PRR16: variants seen among roughly 807,000 people sequenced by gnomAD.
PRR16 encodes the protein proline rich 16.
In PRR16, 6 loss-of-function variants were observed where a neutral mutation model predicts 18.2. The observed-to-expected ratio is 0.33, with a 90% CI of 0.18 to 0.65. The LOEUF (loss-of-function observed/expected upper bound fraction) is 0.65. PRR16 is among the 30% of genes least tolerant of loss of function. The pLI, the probability that PRR16 is intolerant of heterozygous loss-of-function variation, is 0.74. For missense variants in PRR16, 412 were observed against 376.6 expected (o/e 1.09, Z -0.78); for synonymous variants, 151 against 147.8 (o/e 1.02, Z -0.16).
chr5:120,664,174 G>T (rs940468588), intron 1 of PRR16, among the ~76,000 whole-genome samples: 1 of 151,934 alleles, frequency 6.6e-6, no homozygotes, highest in South Asian at 2.1e-4. Flanking sequence ...TGGCAGATGC[G>T]TGTAATCCCA....
chr5:120,487,509 CTT>C (rs1749852759), intron 1 of PRR16, among the ~76,000 whole-genome samples: 1 of 152,156 alleles, frequency 6.6e-6, no homozygotes, highest in African/African-American at 2.4e-5. Flanking sequence ...TATCCTGAGA[CTT>C]TGCTGAAGTT....
At chr5:120,669,507 A>T (rs1241539688) in intron 1 of PRR16, among the ~76,000 whole-genome samples, 1 of 152,080 alleles carries the variant, frequency 6.6e-6, no homozygotes. Flanking sequence ...ATTACAAATT[A>T]CTCAGAATAT....
At chr5:120,584,299 CTTGGTAAGGAGT>C (rs1237222647) in intron 1 of PRR16, among the ~76,000 whole-genome samples, 1 of 152,164 alleles carries the variant, frequency 6.6e-6, no homozygotes, top group East Asian at 1.9e-4. Context: ...ATCTTAGAGA[CTTGGTAAGGAGT>C]TTTTAAAAGA....
At chr5:120,702,191 G>A in the PRR16 span, among the ~76,000 whole-genome samples, 1 of 151,618 alleles carries the variant, frequency 6.6e-6, no homozygotes, top group Non-Finnish European at 1.5e-5. Flanking sequence ...AAGAGGTTGG[G>A]GTGTGGAAAT....
chr5:120,762,805 G>GT, the PRR16 span, among the ~76,000 whole-genome samples: 3 of 152,048 alleles, frequency 2.0e-5, no homozygotes, highest in Non-Finnish European at 4.4e-5. Context: ...GTCTATTTCT[G>GT]TTTTTGTTAT....
chr5:120,745,791 C>T, the PRR16 span, among the ~76,000 whole-genome samples: 248 of 151,712 alleles, frequency 1.6e-3, 2 homozygotes, highest in African/African-American at 5.7e-3. Flanking sequence ...CTCCTCCTCC[C>T]GTGTTCAAGT....
chr5:120,710,855 A>G, the PRR16 span: 1 of 152,140 alleles, frequency 6.6e-6, no homozygotes, highest in Non-Finnish European at 1.5e-5. Context: ...TTATCTTATA[A>G]TTCTTATACG....
the PRR16 span, among the ~76,000 whole-genome samples, chr5:120,780,591 C>T: frequency 2.6e-5 from 4 of 152,034 alleles, no homozygotes; most frequent in Non-Finnish European, 5.9e-5. Flanking sequence ...AATAATATTA[C>T]AATTTTTTCA....
chr5:120,517,115 C>T lies in PRR16; in HGVS notation c.159+52470C>T, dbSNP rs1013771278. Among the ~76,000 whole-genome samples the T allele has an allele frequency of 1.1e-4, 17 of 152,110 alleles. No homozygotes were observed. The East Asian group carries it at 1.9e-3, about 17-fold the overall frequency. The stretch of plus-strand genomic sequence containing the variant: ...TCTTTGGCAGCAGATACTTTTATCC[C>T]GCTGTGCAGGAATAGTCTGGGAGAA... On this transcript the variant is annotated intron_variant, in intron 1 of 1. Coordinates refer to ENST00000407149, the MANE Select transcript of PRR16 (RefSeq NM_001300783.2).
intron 1 of PRR16, among the ~76,000 whole-genome samples, chr5:120,610,161 T>G (rs1754288445): frequency 6.6e-6 from 1 of 152,236 alleles, no homozygotes; most frequent in South Asian, 2.1e-4. Flanking sequence ...CTAGTGCCAG[T>G]TGAATAAATT....
At chr5:120,526,827 G>A (rs553576234) in intron 1 of PRR16, among the ~76,000 whole-genome samples, 74 of 152,218 alleles carry the variant, frequency 4.9e-4, no homozygotes, top group African/African-American at 1.6e-3. Context: ...TCAATCTCCT[G>A]ACCTGCCTGG....
At chr5:120,723,620 G>A in the PRR16 span, among the ~76,000 whole-genome samples, 1 of 151,824 alleles carries the variant, frequency 6.6e-6, no homozygotes, top group Admixed American at 6.6e-5. Flanking sequence ...ACAGAAATAA[G>A]ACTCTTGATT....
chr5:120,753,655 C>T, the PRR16 span, among the ~76,000 whole-genome samples: 5 of 150,666 alleles, frequency 3.3e-5, no homozygotes, highest in Admixed American at 2.7e-4. Flanking sequence ...CATTTTAGTT[C>T]TTACTATATG....
At chr5:120,708,377 C>G in the PRR16 span, among the ~76,000 whole-genome samples, 3 of 152,286 alleles carry the variant, frequency 2.0e-5, no homozygotes, top group Admixed American at 6.5e-5. Context: ...TTTATCTCAA[C>G]TTTTCAATAG....
chr5:120,600,031 A>G (rs1219693205), intron 1 of PRR16, among the ~76,000 whole-genome samples: 1 of 151,906 alleles, frequency 6.6e-6, no homozygotes, highest in African/African-American at 2.4e-5. Flanking sequence ...CCAGAGTTTT[A>G]TGTACATCTA....
At chr5:120,674,107 G>A (rs1404894096) in intron 1 of PRR16, among the ~76,000 whole-genome samples, 2 of 151,916 alleles carry the variant, frequency 1.3e-5, no homozygotes, top group Non-Finnish European at 1.5e-5. Context: ...ACATGTCGAC[G>A]CTACAGGGCC....
At chr5:120,717,552 T>C in the PRR16 span, among the ~76,000 whole-genome samples, 1 of 152,214 alleles carries the variant, frequency 6.6e-6, no homozygotes, top group Non-Finnish European at 1.5e-5. Context: ...ACTTATCCAC[T>C]GGCTGAAAAC....
chr5:120,714,418 G>A, the PRR16 span, among the ~76,000 whole-genome samples: 964 of 152,206 alleles, frequency 6.3e-3, 17 homozygotes, highest in African/African-American at 0.022. Flanking sequence ...ACTCTGAAAT[G>A]CAAATCAAAA....
At chr5:120,505,614 C>T (rs2112849216) in intron 1 of PRR16, among the ~76,000 whole-genome samples, 1 of 152,266 alleles carries the variant, frequency 6.6e-6, no homozygotes, top group South Asian at 2.1e-4. Flanking sequence ...GTACAAGTGT[C>T]AGTTATTTCA....
Sources: gnomAD v4.1 joint callset for allele counts (sites outside exome capture counted in the v4.1 genomes callset) on GRCh38, gnomAD v4.1.1 for gene constraint, MANE v1.5 for transcripts, NCBI Gene and HGNC (gene_info 2026-07-23, HGNC 2026-07-21) for gene names.